ROR1: variants seen among roughly 807,000 people sequenced by gnomAD.
The protein encoded by ROR1 is ROR family WNT receptor 1.
In ROR1, 19 loss-of-function variants were observed where a neutral mutation model predicts 78.8. The ratio of observed to expected loss-of-function variants is 0.24; its 90% CI spans 0.17 to 0.35. The LOEUF (loss-of-function observed/expected upper bound fraction) is 0.35. Among genes scored for constraint, ROR1 ranks in the 10% least tolerant of loss-of-function variants. The pLI is 1.00. For missense variants in ROR1, 917 were observed against 1,177.8 expected (o/e 0.78, Z 3.24); for synonymous variants, 386 against 433.6 (o/e 0.89, Z 1.36).
intron 2 of ROR1, among the ~76,000 whole-genome samples, chr1:64,021,321 T>G (rs1291709711): frequency 2.6e-5 from 4 of 152,182 alleles, no homozygotes; most frequent in Non-Finnish European, 5.9e-5. Context: ...TCAACCCCAA[T>G]GTCCTCAATA....
At chr1:63,817,183 T>C (rs1227483937) in intron 1 of ROR1, among the ~76,000 whole-genome samples, 1 of 152,218 alleles carries the variant, frequency 6.6e-6, no homozygotes, top group Non-Finnish European at 1.5e-5. Flanking sequence ...TCCTGCCTGC[T>C]TGTGCTTTTG....
intron 1 of ROR1, among the ~76,000 whole-genome samples, chr1:63,870,422 A>G (rs1645244280): frequency 6.6e-6 from 1 of 152,170 alleles, no homozygotes; most frequent in Non-Finnish European, 1.5e-5. Flanking sequence ...CTATGTTAGT[A>G]TTTTCATCAT....
chr1:64,167,825 G>A (rs1650126447), intron 8 of ROR1, among the ~76,000 whole-genome samples: 1 of 152,198 alleles, frequency 6.6e-6, no homozygotes, highest in Non-Finnish European at 1.5e-5. Context: ...TCAACGGAGT[G>A]AGGTCTAACT....
intron 1 of ROR1, among the ~76,000 whole-genome samples, chr1:63,885,117 GA>G (rs1387952079): frequency 6.6e-6 from 1 of 152,046 alleles, no homozygotes; most frequent in African/African-American, 2.4e-5. Context: ...TTGGCATATA[GA>G]AAAAAACATA....
chr1:64,039,042 A>G (rs543011719), intron 2 of ROR1, among the ~76,000 whole-genome samples: 1 of 152,344 alleles, frequency 6.6e-6, no homozygotes, highest in African/African-American at 2.4e-5. Context: ...TCAAAATTTC[A>G]AGGCAAAACC....
chr1:64,131,849 G>A (rs1415398526), intron 4 of ROR1, among the ~76,000 whole-genome samples: 1 of 149,592 alleles, frequency 6.7e-6, no homozygotes, highest in Non-Finnish European at 1.5e-5. Context: ...TGAACTCCAG[G>A]CCTCAAGCAA....
chr1:63,834,037 TCA>T (rs1012968470), intron 1 of ROR1, among the ~76,000 whole-genome samples: 9 of 149,742 alleles, frequency 6.0e-5, no homozygotes, highest in Non-Finnish European at 1.0e-4. Context: ...GGGAAAAAGC[TCA>T]GTTAGTTACT....
chr1:63,900,737 A>G (rs1381203452), intron 1 of ROR1, among the ~76,000 whole-genome samples: 2 of 151,876 alleles, frequency 1.3e-5, no homozygotes, highest in African/African-American at 2.4e-5. Flanking sequence ...CCACTCATCT[A>G]TTTTCTATTC....
intron 8 of ROR1, among the ~76,000 whole-genome samples, chr1:64,174,748 C>G (rs1650330727): frequency 6.6e-6 from 1 of 152,182 alleles, no homozygotes; most frequent in Admixed American, 6.5e-5. Context: ...AATCTCCAAT[C>G]TTAATGTCAT....
chr1:64,126,418 A>G (rs370074482), intron 4 of ROR1, among the ~76,000 whole-genome samples: 57 of 152,302 alleles, frequency 3.7e-4, no homozygotes, highest in African/African-American at 1.1e-3. Flanking sequence ...TCATCATTCT[A>G]TGGCAACAGG....
intron 1 of ROR1, among the ~76,000 whole-genome samples, chr1:63,848,454 C>T (rs964363172): frequency 3.3e-5 from 5 of 151,970 alleles, no homozygotes; most frequent in African/African-American, 1.2e-4. Flanking sequence ...AAATATATGC[C>T]CCTTTCCTTG....
intron 1 of ROR1, among the ~76,000 whole-genome samples, chr1:63,881,126 C>G (rs996486629): frequency 6.6e-6 from 1 of 152,132 alleles, no homozygotes; most frequent in Non-Finnish European, 1.5e-5. Context: ...ATGCTGCTGG[C>G]CCTTATTTGA....
intron 1 of ROR1, among the ~76,000 whole-genome samples, chr1:63,990,195 C>T (rs1413331749): frequency 1.3e-5 from 2 of 152,148 alleles, no homozygotes; most frequent in Non-Finnish European, 2.9e-5. Context: ...CCACAGAGGG[C>T]ATTGGCTAGA....
chr1:64,029,127 C>G (rs993380204), intron 2 of ROR1: 6 of 152,014 alleles, frequency 3.9e-5, no homozygotes, highest in Non-Finnish European at 5.9e-5. Context: ...TATTTGTTAA[C>G]ATTTATAGAG....
At chr1:64,062,499 G>A (rs1350178026) in intron 4 of ROR1, among the ~76,000 whole-genome samples, 2 of 151,992 alleles carry the variant, frequency 1.3e-5, no homozygotes, top group African/African-American at 4.8e-5. Context: ...TTTTAGTAGA[G>A]ATGGGGTTTC....
intron 1 of ROR1, among the ~76,000 whole-genome samples, chr1:63,883,667 A>G (rs1225120650): frequency 6.6e-6 from 1 of 152,196 alleles, no homozygotes; most frequent in Admixed American, 6.5e-5. Context: ...ATCCTCTGCC[A>G]TTGGTGACTC....
chr1:64,098,676 T>A (rs1035357004), intron 4 of ROR1, among the ~76,000 whole-genome samples: 41 of 152,288 alleles, frequency 2.7e-4, no homozygotes, highest in African/African-American at 9.6e-4. Flanking sequence ...TCAGGATCAG[T>A]CCTGCATAGT....
intron 4 of ROR1, among the ~76,000 whole-genome samples, chr1:64,115,770 A>G (rs902935365): frequency 6.6e-6 from 1 of 152,144 alleles, no homozygotes; most frequent in Non-Finnish European, 1.5e-5. Flanking sequence ...GAGCTTAGGC[A>G]TTGTGTGGAA....
intron 4 of ROR1, among the ~76,000 whole-genome samples, chr1:64,077,063 T>G (rs1432359399): frequency 6.6e-6 from 1 of 152,200 alleles, no homozygotes; most frequent in African/African-American, 2.4e-5. Flanking sequence ...ATGGCTGTTA[T>G]AGGGGAAAAA....
Sources: allele counts gnomAD v4.1 joint callset (sites outside exome capture counted in the v4.1 genomes callset), GRCh38; gene constraint gnomAD v4.1.1; transcripts MANE v1.5; gene names NCBI Gene and HGNC (gene_info 2026-07-23, HGNC 2026-07-21).